The following DCC variants were observed in gnomAD, a reference collection of about 807,000 sequenced individuals.
DCC encodes netrin receptor DCC.
A neutral mutation model predicts 172.5 loss-of-function variants in DCC; 58 were observed. That is an observed-to-expected ratio of 0.34 (90% CI 0.27 to 0.42). DCC has a LOEUF of 0.42. Among genes scored for constraint, DCC ranks in the 10% least tolerant of loss-of-function variants. The pLI, the probability that DCC is intolerant of heterozygous loss-of-function variation, is 1.00. For missense variants in DCC, 1,740 were observed against 1,791.0 expected (o/e 0.97, Z 0.51); for synonymous variants, 709 against 644.5 (o/e 1.10, Z -1.52).
intron 5 of DCC, among the ~76,000 whole-genome samples, chr18:52,952,554 A>T (rs1231053794): frequency 6.6e-6 from 1 of 152,224 alleles, no homozygotes; most frequent in Admixed American, 6.5e-5. Flanking sequence ...AAGTTACTGC[A>T]TTCATTGTAT....
intron 1 of DCC, among the ~76,000 whole-genome samples, chr18:52,715,431 C>G (rs1407442527): frequency 6.6e-6 from 1 of 151,804 alleles, no homozygotes; most frequent in Non-Finnish European, 1.5e-5. Flanking sequence ...TCTTGAGTAG[C>G]TGAAATTACA....
intron 1 of DCC, among the ~76,000 whole-genome samples, chr18:52,533,901 A>G (rs1389028377): frequency 6.6e-6 from 1 of 152,102 alleles, no homozygotes; most frequent in Middle Eastern, 3.2e-3. Context: ...CCTCACCAAG[A>G]TTTCATGCTG....
intron 1 of DCC, among the ~76,000 whole-genome samples, chr18:52,412,642 A>G (rs1212904213): frequency 6.6e-6 from 1 of 152,148 alleles, no homozygotes; most frequent in Non-Finnish European, 1.5e-5. Context: ...TTCTAATTGA[A>G]CCAAGGCTTG....
At chr18:53,096,995 A>G (rs2144202930) in intron 7 of DCC, among the ~76,000 whole-genome samples, 1 of 152,276 alleles carries the variant, frequency 6.6e-6, no homozygotes. Flanking sequence ...GAAGAAAGGA[A>G]GAAAAGATGA....
intron 2 of DCC, among the ~76,000 whole-genome samples, chr18:52,811,948 A>G (rs551597917): frequency 6.5e-4 from 99 of 152,194 alleles, no homozygotes; most frequent in Non-Finnish European, 1.2e-3. Flanking sequence ...TTGTATTTTG[A>G]AAAATAAGCA....
intron 1 of DCC, among the ~76,000 whole-genome samples, chr18:52,521,122 G>A (rs1047221400): frequency 6.6e-6 from 1 of 151,858 alleles, no homozygotes; most frequent in African/African-American, 2.4e-5. Flanking sequence ...CTTTGCATGT[G>A]TACATTCAGA....
chr18:52,973,100 A>G (rs1391438791), intron 5 of DCC, among the ~76,000 whole-genome samples: 1 of 152,220 alleles, frequency 6.6e-6, no homozygotes, highest in East Asian at 1.9e-4. Context: ...TATTCAATCA[A>G]TGTTTGTTGA....
intron 2 of DCC, among the ~76,000 whole-genome samples, chr18:52,852,099 C>T (rs1426179777): frequency 2.4e-4 from 37 of 152,020 alleles, no homozygotes; most frequent in Non-Finnish European, 1.8e-4. Context: ...AAATTGGCAT[C>T]CTATCTAAAA....
At chr18:52,561,629 T>C (rs1328749488) in intron 1 of DCC, among the ~76,000 whole-genome samples, 1 of 152,154 alleles carries the variant, frequency 6.6e-6, no homozygotes, top group Admixed American at 6.6e-5. Context: ...TGGTAACTAT[T>C]GTGAGGATTC....
At chr18:52,760,966 ATTG>A (rs199644489) in intron 2 of DCC, among the ~76,000 whole-genome samples, 4,248 of 152,298 alleles carry the variant, frequency 0.028, 81 homozygotes, top group Middle Eastern at 0.082. Context: ...GTAAAAAGTT[ATTG>A]TTAACAGTCT....
chr18:52,439,838 G>A (rs1234642328), intron 1 of DCC, among the ~76,000 whole-genome samples: 2 of 152,134 alleles, frequency 1.3e-5, no homozygotes, highest in Non-Finnish European at 2.9e-5. Context: ...CGCATTGCAT[G>A]CCTGTATCAA....
chr18:52,806,849 C>T (rs2038095536), intron 2 of DCC, among the ~76,000 whole-genome samples: 1 of 152,044 alleles, frequency 6.6e-6, no homozygotes, highest in Non-Finnish European at 1.5e-5. Flanking sequence ...CAGTCTTAGC[C>T]AGTTTGGTCA....
intron 1 of DCC, among the ~76,000 whole-genome samples, chr18:52,445,026 T>C (rs756140079): frequency 6.6e-6 from 1 of 152,128 alleles, no homozygotes; most frequent in Non-Finnish European, 1.5e-5. Context: ...GCATTTTTCT[T>C]TTTTAACAGT....
At chr18:52,384,783 CA>C (rs1291553468) in intron 1 of DCC, among the ~76,000 whole-genome samples, 4 of 152,080 alleles carry the variant, frequency 2.6e-5, no homozygotes, top group African/African-American at 9.7e-5. Context: ...TACATATTTG[CA>C]TAGTCTATTC....
chr18:53,251,274 C>A (rs138315612), intron 12 of DCC, among the ~76,000 whole-genome samples: 127 of 152,050 alleles, frequency 8.4e-4, no homozygotes, highest in African/African-American at 2.9e-3. Context: ...CTTATCCTGG[C>A]AAGGTAACAT....
At chr18:52,413,944 A>G (rs1433607644) in intron 1 of DCC, among the ~76,000 whole-genome samples, 13 of 152,354 alleles carry the variant, frequency 8.5e-5, no homozygotes, top group Middle Eastern at 3.4e-3. Flanking sequence ...ATTTGTCATT[A>G]CGTACACGTG....
intron 5 of DCC, among the ~76,000 whole-genome samples, chr18:53,055,349 C>G (rs1431674666): frequency 6.6e-6 from 1 of 152,122 alleles, no homozygotes; most frequent in Admixed American, 6.6e-5. Flanking sequence ...GGGCTTACAC[C>G]TGTGTCAGGA....
intron 1 of DCC, among the ~76,000 whole-genome samples, chr18:52,627,307 T>G (rs772491006): frequency 7.2e-5 from 11 of 152,144 alleles, no homozygotes; most frequent in African/African-American, 9.7e-5. Context: ...CACTGCTGTA[T>G]TCTGAGCCCC....
intron 1 of DCC, among the ~76,000 whole-genome samples, chr18:52,526,621 C>G (rs1351177333): frequency 6.6e-6 from 1 of 152,076 alleles, no homozygotes; most frequent in Non-Finnish European, 1.5e-5. Flanking sequence ...TTAGGTACTT[C>G]ATGAGACTTC....
Sources: gnomAD v4.1 joint callset for allele counts (sites outside exome capture counted in the v4.1 genomes callset) on GRCh38, gnomAD v4.1.1 for gene constraint, MANE v1.5 for transcripts, NCBI Gene and HGNC (gene_info 2026-07-23, HGNC 2026-07-21) for gene names.